NFATC1: variants seen among roughly 807,000 people sequenced by gnomAD.
NFATC1 encodes the protein nuclear factor of activated T cells 1.
A neutral mutation model predicts 76.0 loss-of-function variants in NFATC1; 22 were observed. The observed-to-expected ratio is 0.29, with a 90% CI of 0.21 to 0.41. The LOEUF (loss-of-function observed/expected upper bound fraction) is 0.41, where lower values mean the gene tolerates loss of function less well. NFATC1 is among the 10% of genes least tolerant of loss of function. NFATC1 has a pLI of 1.00. For synonymous variants in NFATC1, 704 were observed against 613.1 expected (o/e 1.15, Z -2.19); for missense variants, 1,357 against 1,337.7 (o/e 1.01, Z -0.23).
rs142414085 is a variant in NFATC1, at chr18:79,437,732, C to G, written c.1386+3994C>G. ...GCAGGCTCTGCCTGAGGGGGAGGGT[C>G]TCTCTGTACACACAGTCTCCTCACC... is the stretch of plus-strand genomic sequence containing the variant. On this transcript the variant is annotated intron_variant, in intron 3 of 9. Coordinates refer to ENST00000427363, the MANE Select transcript of NFATC1 (RefSeq NM_001278669.2). Among the ~76,000 whole-genome samples, 533 of 152,332 alleles carry G rather than the reference C, an allele frequency of 3.5e-3. 5 individuals are homozygous for G. The highest frequency in any genetic ancestry group is 8.6e-3 in the Admixed American group (131 of 15,314).
chr18:79,428,106 G>T (rs1306788245), intron 2 of NFATC1, among the ~76,000 whole-genome samples: 2 of 150,664 alleles, frequency 1.3e-5, no homozygotes, highest in Non-Finnish European at 3.0e-5. Context: ...CTGTGCGGTG[G>T]GTTGGGGGGG....
At chr18:79,511,651 C>T (rs2090256950) in intron 9 of NFATC1, among the ~76,000 whole-genome samples, 1 of 152,142 alleles carries the variant, frequency 6.6e-6, no homozygotes, top group Non-Finnish European at 1.5e-5. Flanking sequence ...CGTCTGCGCC[C>T]CTGAGCTCCT....
intron 2 of NFATC1, among the ~76,000 whole-genome samples, chr18:79,423,233 C>T (rs1393305545): frequency 2.6e-5 from 4 of 152,230 alleles, no homozygotes; most frequent in East Asian, 1.9e-4. Context: ...CCAAATGTGT[C>T]CTTTAAAACA....
At position 79,411,349 on chromosome 18, in the gene NFATC1, C is replaced by A. The variant is rs1486667073; in HGVS notation, c.1074C>A (p.Gly358=). The change falls in exon 2 of 10, where the codon GGC becomes GGA. Residue 358 remains glycine, a synonymous_variant. Transcript: ENST00000427363. Reference sequence around the variant, plus strand: ...TGGAGCCCGTCGGGGAGGACCTGGGCAGCCCCCCGCCCCCGGCCGACTTCG... The same window carrying A: ...TGGAGCCCGTCGGGGAGGACCTGGGAAGCCCCCCGCCCCCGGCCGACTTCG... The part of the protein sequence containing the change: ...LKVEPVGEDL[G]SPPPPADFAP... 1 of 1,594,672 alleles carries A rather than the reference C, an allele frequency of 6.3e-7. No homozygotes were observed. The highest frequency in any genetic ancestry group is 8.5e-7 in the Non-Finnish European group (1 of 1,172,438).
intron 6 of NFATC1, among the ~76,000 whole-genome samples, chr18:79,459,109 G>A (rs2087910900): frequency 6.6e-6 from 1 of 152,220 alleles, no homozygotes; most frequent in Non-Finnish European, 1.5e-5. Flanking sequence ...ATGTTTGTCG[G>A]TTCCCCGCAC....
intron 9 of NFATC1, among the ~76,000 whole-genome samples, chr18:79,495,893 C>T (rs187391616): frequency 6.6e-6 from 1 of 152,156 alleles, no homozygotes; most frequent in African/African-American, 2.4e-5. Flanking sequence ...CACAGGCAAG[C>T]CGTGAACAGT....
intron 3 of NFATC1, among the ~76,000 whole-genome samples, chr18:79,442,343 C>T (rs1406061440): frequency 1.3e-5 from 2 of 152,360 alleles, no homozygotes; most frequent in Non-Finnish European, 2.9e-5. Flanking sequence ...TGCTGAGCAG[C>T]CTCTGCTGCC....
At position 79,481,823 on chromosome 18, in the gene NFATC1, T is replaced by G. The variant is rs1290132629; in HGVS notation, c.2093-4425T>G. ...CTCCAGCGTGACCTGGTTCCTGAGG[T>G]GTAATTCCAGCGTGACCTGGTTCCT... On this transcript the variant is annotated intron_variant, in intron 8 of 9. Transcript: ENST00000427363. 2.1e-5 allele frequency among the ~76,000 whole-genome samples: 3 copies of G among 141,386 alleles called. No individual in the cohort carries two copies. The South Asian group carries it at 6.3e-4, about 30-fold the overall frequency. The allele number at this position is 141,386 out of a possible 152,430, so 92.8% of individuals were successfully genotyped here.
At chr18:79,500,238 C>A (rs539198776) in intron 9 of NFATC1, among the ~76,000 whole-genome samples, 2 of 152,184 alleles carry the variant, frequency 1.3e-5, no homozygotes, top group South Asian at 2.1e-4. Flanking sequence ...TGAAAATCAA[C>A]AACAGATATT....
chr18:79,475,851 G>A (rs111662972), intron 8 of NFATC1, among the ~76,000 whole-genome samples: 2,006 of 152,344 alleles, frequency 0.013, 49 homozygotes, highest in African/African-American at 0.045. Context: ...TCCTCAGAGC[G>A]TGTTTTAAAG....
chr18:79,412,586 G>A (rs764906084), intron 2 of NFATC1, among the ~76,000 whole-genome samples: 4 of 152,210 alleles, frequency 2.6e-5, no homozygotes, highest in Non-Finnish European at 5.9e-5. Flanking sequence ...GGGAGGACCC[G>A]TCTCTGCTCT....
At chr18:79,413,106 A>G (rs1419295363) in intron 2 of NFATC1, among the ~76,000 whole-genome samples, 2 of 152,222 alleles carry the variant, frequency 1.3e-5, no homozygotes, top group Non-Finnish European at 2.9e-5. Context: ...AGTCATGTAC[A>G]ACGCGCTTCA....
intron 9 of NFATC1, among the ~76,000 whole-genome samples, chr18:79,514,520 C>G (rs1196670620): frequency 7.7e-6 from 1 of 130,008 alleles, no homozygotes; most frequent in Admixed American, 9.4e-5. Context: ...GAGCTGTGAT[C>G]GAACCACTGC....
intron 8 of NFATC1, among the ~76,000 whole-genome samples, chr18:79,479,262 A>G (rs1414016944): frequency 1.3e-5 from 2 of 152,196 alleles, no homozygotes; most frequent in Non-Finnish European, 2.9e-5. Flanking sequence ...GGCTGATATC[A>G]GGAGGTAGCC....
Position 79,514,575 on chromosome 18 carries a change from A to G in NFATC1, c.2783-12953A>G, listed in dbSNP as rs2090333943. Among the ~76,000 whole-genome samples, 4 of 150,802 alleles carry G rather than the reference A, an allele frequency of 2.7e-5. No homozygotes were observed. In the South Asian group the frequency reaches 8.4e-4, roughly 32 times the overall value. Reference sequence around the variant, plus strand: ...ATGAGACCCTGCCTCAAAAAAAAAAAAAAAAAAAAAAAAAAACCAATCTCA... The same window carrying G: ...ATGAGACCCTGCCTCAAAAAAAAAAGAAAAAAAAAAAAAAAACCAATCTCA... On this transcript the variant is annotated intron_variant, in intron 9 of 9. Transcript: ENST00000427363.
At position 79,410,680 on chromosome 18, in the gene NFATC1, T is replaced by A; in HGVS notation, c.405T>A (p.Phe135Leu). 1 of 1,613,040 alleles carries A rather than the reference T, an allele frequency of 6.2e-7. No homozygotes were observed. The highest frequency in any genetic ancestry group is 8.5e-7 in the Non-Finnish European group (1 of 1,179,978). ...GCCTGTACCACAACAATAACCAGTT[T>A]TTCCACGATGTGGAGGTGGAAGACG... ...CLGLYHNNNQ[F>L]FHDVEVEDVL... The change falls in exon 2 of 10, where the codon TTT becomes TTA. Residue 135 changes from phenylalanine to leucine, a missense_variant. Phe to Leu is a conservative substitution (Grantham distance 22). Coordinates refer to ENST00000427363, the MANE Select transcript of NFATC1 (RefSeq NM_001278669.2). The surrounding 1 kb of genome is among the most constrained non-coding windows in gnomAD (Gnocchi z 6.7).
intron 6 of NFATC1, among the ~76,000 whole-genome samples, chr18:79,455,333 C>T (rs1256964204): frequency 6.6e-5 from 10 of 152,180 alleles, no homozygotes; most frequent in African/African-American, 9.7e-5. Flanking sequence ...CGTCAGTGGT[C>T]GTTTCTGTGG....
At chr18:79,458,149 G>A (rs2087837779) in intron 6 of NFATC1, among the ~76,000 whole-genome samples, 1 of 152,216 alleles carries the variant, frequency 6.6e-6, no homozygotes, top group Non-Finnish European at 1.5e-5. Context: ...GCAGGCAGAT[G>A]TGCAGCAGGG....
At chr18:79,522,079 G>GTT (rs1220613610) in intron 9 of NFATC1, among the ~76,000 whole-genome samples, 1 of 79,574 alleles carries the variant, frequency 1.3e-5, no homozygotes, top group Non-Finnish European at 2.5e-5. Context: ...GTGTGTGTCT[G>GTT]TTGGGGGGGG....
Sources: gnomAD v4.1 joint callset for allele counts (sites outside exome capture counted in the v4.1 genomes callset) on GRCh38, gnomAD v4.1.1 for gene constraint, Gnocchi (gnomAD v3.1) non-coding constraint, MANE v1.5 for transcripts, NCBI Gene and HGNC (gene_info 2026-07-23, HGNC 2026-07-21) for gene names.